SEMA5A: variants seen among roughly 807,000 people sequenced by gnomAD.
The protein encoded by SEMA5A is semaphorin-5A.
Under a neutral mutation model 135.5 loss-of-function variants are expected in SEMA5A, and 55 were observed. The observed-to-expected ratio is 0.41, with a 90% CI of 0.33 to 0.51. The LOEUF is 0.51. Ranked by LOEUF, SEMA5A falls within the 20% of genes least tolerant of loss-of-function variation. The probability of loss-of-function intolerance (pLI) is 0.37; values close to 1 mark genes in which losing one functional copy is unlikely to be tolerated. For synonymous variants in SEMA5A, 580 were observed against 546.5 expected (o/e 1.06, Z -0.85); for missense variants, 1,290 against 1,419.9 (o/e 0.91, Z 1.47).
chr5:9,415,298 T>A (rs1011745951), intron 2 of SEMA5A, among the ~76,000 whole-genome samples: 6 of 152,202 alleles, frequency 3.9e-5, no homozygotes, highest in Admixed American at 3.9e-4. Context: ...CTGCTCAGCA[T>A]CTGGGGTTGC....
At position 9,212,770 on chromosome 5, in the gene SEMA5A, G is replaced by A. The variant is rs528684962; in HGVS notation, c.647-10530C>T. The stretch of plus-strand genomic sequence containing the variant: ...TGGATTAATCCTCATCTATGTTTCA[G>A]ACACTGAGTAAGATGCTGAGCACAT... On this transcript the variant is annotated intron_variant, in intron 8 of 22. Coordinates refer to ENST00000382496, the MANE Select transcript of SEMA5A (RefSeq NM_003966.3). 6.6e-5 allele frequency among the ~76,000 whole-genome samples: 10 copies of A among 152,248 alleles called. No homozygotes were observed. In the South Asian group the frequency reaches 2.1e-3, roughly 32 times the overall value.
At chr5:9,073,322 C>T (rs186741225) in intron 16 of SEMA5A, among the ~76,000 whole-genome samples, 21 of 152,224 alleles carry the variant, frequency 1.4e-4, no homozygotes, top group East Asian at 9.7e-4. Context: ...ATTCAATTAA[C>T]GTAATTCATC....
intron 16 of SEMA5A, among the ~76,000 whole-genome samples, chr5:9,082,949 C>A (rs1206345420): frequency 6.6e-6 from 1 of 152,184 alleles, no homozygotes; most frequent in Admixed American, 6.5e-5. Flanking sequence ...CATTTGTGCT[C>A]ATCCAAAGGA....
chr5:9,312,246 C>T (rs564394573), intron 5 of SEMA5A, among the ~76,000 whole-genome samples: 14 of 150,070 alleles, frequency 9.3e-5, no homozygotes, highest in Non-Finnish European at 2.1e-4. Context: ...GTTATTATGA[C>T]ATGAGGTAAA....
At chr5:9,502,865 A>C (rs1246678738) in intron 1 of SEMA5A, among the ~76,000 whole-genome samples, 1 of 152,212 alleles carries the variant, frequency 6.6e-6, no homozygotes, top group Non-Finnish European at 1.5e-5. Context: ...AGGAAAGCAA[A>C]GACAAGAAGA....
At position 9,462,020 on chromosome 5, in the gene SEMA5A, C is replaced by T. The variant is rs73036736; in HGVS notation, c.-174-24168G>A. ...CACAAATGTCTTGATCATTGGCCTA[C>T]ATCCATTGTTAGGATGGTGGCACTG... On this transcript the variant is annotated intron_variant, in intron 1 of 22. Transcript: ENST00000382496. Among the ~76,000 whole-genome samples the T allele has an allele frequency of 8.3e-3, 1,268 of 152,310 alleles. 18 individuals carry two copies. The highest frequency in any genetic ancestry group is 0.029 in the African/African-American group (1,197 of 41,568).
intron 9 of SEMA5A, among the ~76,000 whole-genome samples, chr5:9,199,801 A>C (rs551416873): frequency 1.3e-5 from 2 of 152,330 alleles, no homozygotes; most frequent in East Asian, 3.9e-4. Context: ...CTAGAAATAA[A>C]GCCAAATCTT....
intron 3 of SEMA5A, among the ~76,000 whole-genome samples, chr5:9,371,122 A>T (rs1161267065): frequency 6.6e-6 from 1 of 152,188 alleles, no homozygotes; most frequent in Admixed American, 6.5e-5. Context: ...CCACTCAAAG[A>T]CTTAAAATAA....
At chr5:9,508,234 T>C (rs1736011167) in intron 1 of SEMA5A, among the ~76,000 whole-genome samples, 1 of 152,140 alleles carries the variant, frequency 6.6e-6, no homozygotes, top group Non-Finnish European at 1.5e-5. Flanking sequence ...ACCTGTTCTA[T>C]GGATTGAGCA....
intron 16 of SEMA5A, among the ~76,000 whole-genome samples, chr5:9,107,479 T>C (rs1739984320): frequency 6.6e-6 from 1 of 152,144 alleles, no homozygotes; most frequent in South Asian, 2.1e-4. Flanking sequence ...CATCCCACAA[T>C]GTTCTATACC....
intron 11 of SEMA5A, among the ~76,000 whole-genome samples, chr5:9,184,928 T>TA (rs1744725664): frequency 6.6e-6 from 1 of 152,122 alleles, no homozygotes; most frequent in South Asian, 2.1e-4. Context: ...TGAGCCTTCA[T>TA]ATTTTTTTTT....
chr5:9,182,163 A>C (rs1436045578), intron 11 of SEMA5A, among the ~76,000 whole-genome samples: 2 of 118,458 alleles, frequency 1.7e-5, no homozygotes, highest in African/African-American at 8.3e-5. Context: ...CCCACCCCAA[A>C]AAAAAATACG....
chr5:9,171,767 C>G (rs1033078460), intron 11 of SEMA5A, among the ~76,000 whole-genome samples: 1 of 152,080 alleles, frequency 6.6e-6, no homozygotes, highest in Non-Finnish European at 1.5e-5. Context: ...ACACAGGCTG[C>G]GGCAAGGGTT....
chr5:9,271,990 G>A (rs1749999460), intron 5 of SEMA5A, among the ~76,000 whole-genome samples: 1 of 152,094 alleles, frequency 6.6e-6, no homozygotes, highest in African/African-American at 2.4e-5. Context: ...TACCCCAGTG[G>A]CACCTGGAGC....
At chr5:9,197,068 G>A in intron 10 of SEMA5A, 100 bp downstream of exon 10, 12 of 1,499,098 alleles carry the variant, frequency 8.0e-6, no homozygotes, top group Non-Finnish European at 1.1e-5. Context: ...GCTGCATGGT[G>A]CATGCACCCG....
chr5:9,159,787 G>T (rs779722418), intron 11 of SEMA5A, among the ~76,000 whole-genome samples: 6 of 152,140 alleles, frequency 3.9e-5, no homozygotes, highest in Non-Finnish European at 8.8e-5. Context: ...TAATAGCAAA[G>T]ACATGGAACC....
intron 1 of SEMA5A, among the ~76,000 whole-genome samples, chr5:9,472,933 A>G (rs886868837): frequency 2.7e-5 from 4 of 150,422 alleles, no homozygotes; most frequent in Non-Finnish European, 4.4e-5. Context: ...ATATAAAGTG[A>G]AATCCTTTAA....
chr5:9,428,182 A>G (rs2126648976), intron 2 of SEMA5A, among the ~76,000 whole-genome samples: 1 of 149,370 alleles, frequency 6.7e-6, no homozygotes, highest in South Asian at 2.1e-4. Context: ...CCATCCATCC[A>G]TCCAATTGAC....
intron 1 of SEMA5A, among the ~76,000 whole-genome samples, chr5:9,499,693 C>A (rs540976462): frequency 1.3e-5 from 2 of 152,306 alleles, no homozygotes; most frequent in South Asian, 4.1e-4. Flanking sequence ...TCGCTCAAGA[C>A]AAAGGATACT....
Sources: allele counts gnomAD v4.1 joint callset (sites outside exome capture counted in the v4.1 genomes callset), GRCh38; gene constraint gnomAD v4.1.1; transcripts MANE v1.5; gene names NCBI Gene and HGNC (gene_info 2026-07-23, HGNC 2026-07-21).